CSMD1: variants seen among roughly 807,000 people sequenced by gnomAD.
The protein encoded by CSMD1 is CUB and sushi domain-containing protein 1.
A neutral mutation model predicts 417.5 loss-of-function variants in CSMD1; 213 were observed. That is an observed-to-expected ratio of 0.51 (90% confidence interval 0.46 to 0.57). The LOEUF (loss-of-function observed/expected upper bound fraction) is 0.57, where lower values mean the gene tolerates loss of function less well. Ranked by LOEUF, CSMD1 falls within the 20% of genes least tolerant of loss-of-function variation. The pLI, the probability that CSMD1 is intolerant of heterozygous loss-of-function variation, is 0.00. For synonymous variants in CSMD1, 2,862 were observed against 1,736.8 expected (o/e 1.65, Z -16.11); for missense variants, 6,923 against 4,529.7 (o/e 1.53, Z -15.17).
intron 2 of CSMD1, among the ~76,000 whole-genome samples, chr8:4,575,988 G>A (rs1019312629): frequency 2.6e-5 from 4 of 152,164 alleles, no homozygotes; most frequent in Non-Finnish European, 5.9e-5. Flanking sequence ...CACAGCCTCA[G>A]TCCAAGCTGC....
chr8:3,141,843 G>C (rs1199531335), intron 41 of CSMD1, among the ~76,000 whole-genome samples: 1 of 150,794 alleles, frequency 6.6e-6, no homozygotes, highest in East Asian at 2.0e-4. Flanking sequence ...TGTCGCCCAG[G>C]CTGGAGTGCA....
chr8:4,934,018 G>A (rs1211830607), intron 1 of CSMD1, among the ~76,000 whole-genome samples: 1 of 150,906 alleles, frequency 6.6e-6, no homozygotes, highest in Non-Finnish European at 1.5e-5. Context: ...AAAAAAAAAT[G>A]AAGGTTTTGA....
At chr8:4,072,471 T>G (rs1410692721) in intron 3 of CSMD1, among the ~76,000 whole-genome samples, 1 of 152,172 alleles carries the variant, frequency 6.6e-6, no homozygotes, top group Non-Finnish European at 1.5e-5. Flanking sequence ...TATTTCGCAC[T>G]TGTAGTGAAG....
rs1420823785 is a variant in CSMD1, at chr8:4,145,204, T to A, written c.416-113105A>T. Among the ~76,000 whole-genome samples, 3 of 151,060 alleles carry A rather than the reference T, an allele frequency of 2.0e-5. 1 individual carries two copies. Among genetic ancestry groups the A allele is most frequent in the African/African-American group, 7.4e-5 (3 of 40,374 alleles). ...CTAAAACACTAGTACGTGTTTATAT[T>A]GAGTACAGATCCTCTTTTCCAAATA... is the stretch of plus-strand genomic sequence containing the variant. On this transcript the variant is annotated intron_variant, in intron 3 of 69. Transcript: ENST00000635120.
intron 5 of CSMD1, among the ~76,000 whole-genome samples, chr8:3,817,393 G>T (rs1019509712): frequency 1.4e-5 from 2 of 146,996 alleles, no homozygotes; most frequent in Admixed American, 7.0e-5. Context: ...TTATTCTTCT[G>T]CCTCAACCTC....
At chr8:4,236,379 G>A (rs767704906) in intron 3 of CSMD1, among the ~76,000 whole-genome samples, 2 of 152,082 alleles carry the variant, frequency 1.3e-5, no homozygotes, top group East Asian at 1.9e-4. Context: ...GGAGAAAGGG[G>A]TGAAGACGAG....
rs1366540463 is a variant in CSMD1, at chr8:4,168,149, AC to A, written c.416-136051del. On this transcript the variant is annotated intron_variant, in intron 3 of 69. Coordinates refer to ENST00000635120, the MANE Select transcript of CSMD1 (RefSeq NM_033225.6). ...GTCTCAAAAATAAAAAAAAATATAC[AC>A]ACACACACACACACACACACACACA... is the stretch of plus-strand genomic sequence containing the variant. 0.012 allele frequency among the ~76,000 whole-genome samples: 10 copies of A among 854 alleles called. No homozygotes were observed. The Non-Finnish European group carries it at 0.14, about 12-fold the overall frequency. The allele number at this position is 854 out of a possible 152,430, so 0.6% of individuals were successfully genotyped here.
chr8:4,671,622 C>T (rs1805332796), intron 1 of CSMD1, among the ~76,000 whole-genome samples: 1 of 152,186 alleles, frequency 6.6e-6, no homozygotes, highest in African/African-American at 2.4e-5. Flanking sequence ...CCTCTCTCAG[C>T]ACAGAGAGCT....
intron 5 of CSMD1, among the ~76,000 whole-genome samples, chr8:3,993,612 C>G (rs577521844): frequency 6.6e-5 from 10 of 152,264 alleles, no homozygotes; most frequent in African/African-American, 1.9e-4. Context: ...TTGTAAACTT[C>G]CATACACCAG....
intron 11 of CSMD1, among the ~76,000 whole-genome samples, chr8:3,470,442 G>A (rs1233213963): frequency 2.6e-5 from 4 of 152,134 alleles, no homozygotes; most frequent in East Asian, 1.9e-4. Flanking sequence ...TTCCCCGAGT[G>A]GTAACATCTT....
At chr8:4,035,845 A>T (rs771259129) in intron 3 of CSMD1, among the ~76,000 whole-genome samples, 1 of 152,202 alleles carries the variant, frequency 6.6e-6, no homozygotes, top group Admixed American at 6.5e-5. Flanking sequence ...TACAGTGTTT[A>T]TGAAGTCTAC....
intron 3 of CSMD1, among the ~76,000 whole-genome samples, chr8:4,291,136 C>T (rs1232248889): frequency 6.6e-6 from 1 of 151,968 alleles, no homozygotes; most frequent in East Asian, 1.9e-4. Context: ...GAATCTGAGT[C>T]TTAATATGGT....
At chr8:2,988,736 T>G (rs997882784) in intron 54 of CSMD1, among the ~76,000 whole-genome samples, 1 of 152,246 alleles carries the variant, frequency 6.6e-6, no homozygotes, top group African/African-American at 2.4e-5. Context: ...AAGATAGTGT[T>G]ACTGGGTTGA....
At chr8:4,935,827 C>T (rs1006058589) in intron 1 of CSMD1, among the ~76,000 whole-genome samples, 1 of 152,218 alleles carries the variant, frequency 6.6e-6, no homozygotes, top group Admixed American at 6.5e-5. Context: ...GCTCGGCCTG[C>T]TGTTTACCAA....
intron 48 of CSMD1, among the ~76,000 whole-genome samples, chr8:3,090,840 A>C (rs532357897): frequency 2.6e-5 from 4 of 152,306 alleles, no homozygotes; most frequent in African/African-American, 7.2e-5. Context: ...GGAAAGTTTA[A>C]AGAATAGTGT....
intron 4 of CSMD1, among the ~76,000 whole-genome samples, chr8:4,011,540 C>T (rs1236356981): frequency 1.3e-5 from 2 of 152,146 alleles, no homozygotes; most frequent in Admixed American, 6.5e-5. Flanking sequence ...GCAGAAGGCC[C>T]ACATGTCAGC....
intron 2 of CSMD1, among the ~76,000 whole-genome samples, chr8:4,497,218 A>T (rs1802020555): frequency 6.6e-6 from 1 of 152,004 alleles, no homozygotes; most frequent in Admixed American, 6.5e-5. Flanking sequence ...AGACTGTGCT[A>T]CTCCTGGATG....
chr8:3,743,070 GCT>G lies in CSMD1; in HGVS notation c.931+10858_931+10859del, dbSNP rs145639714. Among the ~76,000 whole-genome samples the G allele has an allele frequency of 7.4e-4, 113 of 152,288 alleles. 1 individual carries two copies. The highest frequency in any genetic ancestry group is 2.6e-3 in the African/African-American group (106 of 41,562). The stretch of plus-strand genomic sequence containing the variant: ...GCCATGGTCCCTGTATGGCAGCTGT[GCT>G]TAGCTCCATCTCACTGCTGGATAAA... On this transcript the variant is annotated intron_variant, in intron 6 of 69. Transcript: ENST00000635120.
At chr8:3,077,335 G>A (rs1192570683) in intron 49 of CSMD1, among the ~76,000 whole-genome samples, 1 of 152,112 alleles carries the variant, frequency 6.6e-6, no homozygotes, top group Non-Finnish European at 1.5e-5. Flanking sequence ...ACTGCCTGGG[G>A]ACTGAGCCCT....
Sources: allele counts gnomAD v4.1 joint callset (sites outside exome capture counted in the v4.1 genomes callset), GRCh38; gene constraint gnomAD v4.1.1; transcripts MANE v1.5; gene names NCBI Gene and HGNC (gene_info 2026-07-23, HGNC 2026-07-21).